The following DACH1 variants were observed in gnomAD, a reference collection of about 807,000 sequenced individuals.
DACH1 encodes the protein dachshund family transcription factor 1, also known as dachshund homolog 1.
In DACH1, 12 loss-of-function variants were observed where a neutral mutation model predicts 54.2. The ratio of observed to expected loss-of-function variants is 0.22; its 90% CI spans 0.14 to 0.36. DACH1 has a LOEUF of 0.36. DACH1 is among the 10% of genes least tolerant of loss of function. The pLI is 1.00. For missense variants in DACH1, 805 were observed against 929.8 expected, an observed-to-expected ratio of 0.87 and a Z score of 1.75; for synonymous variants, 386 against 366.2, an observed-to-expected ratio of 1.05 and a Z score of -0.62.
chr13:71,445,820 C>T (rs1055810922), intron 10 of DACH1, among the ~76,000 whole-genome samples: 1 of 152,128 alleles, frequency 6.6e-6, no homozygotes, highest in African/African-American at 2.4e-5. Context: ...TGTGGACATA[C>T]CCAGGGAACT....
At chr13:71,491,946 T>C (rs574159876) in intron 6 of DACH1, among the ~76,000 whole-genome samples, 3 of 152,306 alleles carry the variant, frequency 2.0e-5, no homozygotes, top group East Asian at 3.9e-4. Flanking sequence ...GAGTGAATGA[T>C]GATGAAATAC....
chr13:71,825,426 C>T (rs767305250), intron 1 of DACH1, among the ~76,000 whole-genome samples: 22 of 151,922 alleles, frequency 1.4e-4, no homozygotes, highest in Non-Finnish European at 2.9e-4. Context: ...ATGTTTGTTC[C>T]CCTTAAAAGA....
chr13:71,638,845 T>C (rs959193875), intron 2 of DACH1, among the ~76,000 whole-genome samples: 2 of 152,184 alleles, frequency 1.3e-5, no homozygotes, highest in Non-Finnish European at 2.9e-5. Context: ...ACTTAATGCC[T>C]TACATAGTCA....
At chr13:71,442,813 A>G (rs1343696794) in intron 10 of DACH1, among the ~76,000 whole-genome samples, 1 of 152,018 alleles carries the variant, frequency 6.6e-6, no homozygotes, top group Non-Finnish European at 1.5e-5. Flanking sequence ...TAGAACAATT[A>G]TAACAATATA....
chr13:71,471,625 G>A (rs755331969), intron 10 of DACH1, among the ~76,000 whole-genome samples: 2 of 151,676 alleles, frequency 1.3e-5, no homozygotes, highest in Non-Finnish European at 1.5e-5. Flanking sequence ...GGTGGTGCAC[G>A]CCCGTAGTCC....
In DACH1 at chr13:71,487,871, A is replaced by C. The variant is rs567459281; in HGVS notation, c.1722+1126T>G. On this transcript the variant is annotated intron_variant, in intron 7 of 10. Coordinates refer to ENST00000613252, the MANE Select transcript of DACH1 (RefSeq NM_080759.6). ...GCACTATCTTATAATAAACAATAAT[A>C]TGGGTGAAATTTAGAAAGAAAAGTC... Among the ~76,000 whole-genome samples, 3 of 152,320 alleles carry C rather than the reference A, an allele frequency of 2.0e-5. No homozygotes were observed. In the South Asian group the frequency reaches 6.2e-4, roughly 32 times the overall value.
At chr13:71,795,312 C>T (rs1357340205) in intron 1 of DACH1, among the ~76,000 whole-genome samples, 2 of 152,152 alleles carry the variant, frequency 1.3e-5, no homozygotes, top group Non-Finnish European at 1.5e-5. Context: ...CTTCTTAATG[C>T]TTCTCCCAAA....
At chr13:71,579,023 G>A (rs894142993) in intron 3 of DACH1, among the ~76,000 whole-genome samples, 3 of 151,852 alleles carry the variant, frequency 2.0e-5, no homozygotes, top group African/African-American at 7.3e-5. Context: ...TAAATAATTA[G>A]ATATTTTTCT....
At chr13:71,672,110 A>T (rs1044984301) in intron 2 of DACH1, among the ~76,000 whole-genome samples, 4 of 152,148 alleles carry the variant, frequency 2.6e-5, no homozygotes, top group African/African-American at 9.7e-5. Context: ...ATGCCATCTG[A>T]AGTGTAGAGC....
At chr13:71,749,939 C>T (rs910849328) in intron 1 of DACH1, among the ~76,000 whole-genome samples, 1 of 152,096 alleles carries the variant, frequency 6.6e-6, no homozygotes, top group Admixed American at 6.6e-5. Flanking sequence ...GTTGTGAAAG[C>T]CAAGTTAAAG....
rs187371235 is a variant in DACH1, at chr13:71,644,162, G to C, written c.965-13445C>G. On this transcript the variant is annotated intron_variant, in intron 2 of 10. Coordinates refer to ENST00000613252, the MANE Select transcript of DACH1 (RefSeq NM_080759.6). ...ATTGCACAAAGTCAACTGTAGTTTTGATATTAATTAAATGCATTGTAAATA... is the reference window on the plus strand; with the variant it reads ...ATTGCACAAAGTCAACTGTAGTTTTCATATTAATTAAATGCATTGTAAATA... Among the ~76,000 whole-genome samples the C allele has an allele frequency of 5.7e-4, 87 of 152,160 alleles. 1 individual carries two copies. The highest frequency in any genetic ancestry group is 9.8e-4 in the Admixed American group (15 of 15,296).
chr13:71,521,377 T>C (rs1232034460), intron 6 of DACH1, among the ~76,000 whole-genome samples: 1 of 152,040 alleles, frequency 6.6e-6, no homozygotes, highest in Non-Finnish European at 1.5e-5. Context: ...CATATGAATA[T>C]GGATATGGAT....
intron 1 of DACH1, among the ~76,000 whole-genome samples, chr13:71,786,789 G>T (rs1886609987): frequency 6.6e-6 from 1 of 151,878 alleles, no homozygotes; most frequent in Non-Finnish European, 1.5e-5. Context: ...CAGAATTTCA[G>T]AGGGGAAAAA....
At chr13:71,601,124 T>C (rs1874461894) in intron 3 of DACH1, among the ~76,000 whole-genome samples, 1 of 152,066 alleles carries the variant, frequency 6.6e-6, no homozygotes, top group Non-Finnish European at 1.5e-5. Flanking sequence ...AAATAATTAA[T>C]AGGCGAATAA....
At chr13:71,727,558 G>A (rs927633492) in intron 1 of DACH1, among the ~76,000 whole-genome samples, 3 of 152,008 alleles carry the variant, frequency 2.0e-5, no homozygotes, top group East Asian at 1.9e-4. Context: ...TGTTTGATAT[G>A]TACAAAGATG....
rs1406566837 is a variant in DACH1 at position 71,866,866 on chromosome 13, G to C, written c.-97C>G. On this transcript the variant is annotated 5_prime_UTR_variant, in exon 1 of 11. Transcript: ENST00000613252. ...GGGGAAAAAAGGGGGGAGAAGGAGC[G>C]AGGGGGGCAACAACAACTCCGGGAG... 2 of 898,280 alleles carry C rather than the reference G, an allele frequency of 2.2e-6. No individual in the cohort carries two copies. Among genetic ancestry groups the C allele is most frequent in the Non-Finnish European group, 2.8e-6 (2 of 706,564 alleles). 55.6% of individuals were successfully genotyped at this position (898,280 alleles called of 1,614,324 possible). A position where few individuals can be genotyped will look rare whatever the true frequency, so the allele number is the denominator to read the frequency against.
chr13:71,643,867 CAA>C (rs1040820980), intron 2 of DACH1, among the ~76,000 whole-genome samples: 4 of 151,574 alleles, frequency 2.6e-5, no homozygotes, highest in Admixed American at 1.3e-4. Flanking sequence ...AAAAAAAAGA[CAA>C]AGAGAGATTG....
At chr13:71,686,922 G>A (rs555005144) in intron 1 of DACH1, among the ~76,000 whole-genome samples, 2 of 152,252 alleles carry the variant, frequency 1.3e-5, no homozygotes, top group Non-Finnish European at 2.9e-5. Context: ...AGACATTAGG[G>A]TTTCAATAAT....
At chr13:71,516,713 T>C (rs1367238767) in intron 6 of DACH1, among the ~76,000 whole-genome samples, 1 of 151,828 alleles carries the variant, frequency 6.6e-6, no homozygotes, top group Non-Finnish European at 1.5e-5. Context: ...TCCCTGCCCA[T>C]CAAAACGCAC....
Sources: gnomAD v4.1 joint callset for allele counts (sites outside exome capture counted in the v4.1 genomes callset) on GRCh38, gnomAD v4.1.1 for gene constraint, MANE v1.5 for transcripts, NCBI Gene and HGNC (gene_info 2026-07-23, HGNC 2026-07-21) for gene names.